COLQ: variants seen among roughly 807,000 people sequenced by gnomAD.
COLQ encodes acetylcholinesterase collagenic tail peptide.
COLQ carries 48 observed loss-of-function variants against 69.0 expected under a neutral mutation model. The observed-to-expected ratio is 0.70, with a 90% CI of 0.55 to 0.88. The LOEUF is 0.88. Ranked by LOEUF, COLQ falls within the 40% of genes least tolerant of loss-of-function variation. The pLI is 0.00. For synonymous variants in COLQ, 217 were observed against 211.2 expected (o/e 1.03, Z -0.24); for missense variants, 618 against 594.6 (o/e 1.04, Z -0.41).
chr3:15,464,473 C>G (rs746904036), intron 12 of COLQ, among the ~76,000 whole-genome samples: 1 of 152,176 alleles, frequency 6.6e-6, no homozygotes, highest in Non-Finnish European at 1.5e-5. Flanking sequence ...TTTGCCCAAC[C>G]TATTTGTGGT....
intron 1 of COLQ, among the ~76,000 whole-genome samples, chr3:15,489,901 G>C (rs558079291): frequency 2.0e-5 from 3 of 152,320 alleles, no homozygotes; most frequent in Admixed American, 6.5e-5. Flanking sequence ...TCCTTCCTCA[G>C]ATACTGACTT....
Position 15,468,321 on chromosome 3 carries a change from G to GTTT in COLQ, c.718-1887_718-1885dup, listed in dbSNP as rs540716062. On this transcript the variant is annotated intron_variant, in intron 11 of 16. Transcript: ENST00000383788. ...AGGAAATTGTTTCTCAGTTACTGAA[G>GTTT]TTTTTTTTTTTTTTTTTTTTTTTTT... 7.8e-3 allele frequency among the ~76,000 whole-genome samples: 559 copies of GTTT among 71,322 alleles called. 67 individuals carry two copies. The highest frequency in any genetic ancestry group is 0.012 in the South Asian group (16 of 1,332). 46.8% of individuals were successfully genotyped at this position (71,322 alleles called of 152,430 possible). A position where few individuals can be genotyped will look rare whatever the true frequency, so the allele number is the denominator to read the frequency against.
intron 16 of COLQ, 60 bp downstream of exon 16, chr3:15,453,768 GA>G: frequency 9.0e-7 from 1 of 1,116,966 alleles, no homozygotes; most frequent in Non-Finnish European, 1.3e-6. Context: ...AGGAAAGAAG[GA>G]AAGCAAAGAG....
At chr3:15,468,187 C>T (rs982983213) in intron 11 of COLQ, among the ~76,000 whole-genome samples, 2 of 152,158 alleles carry the variant, frequency 1.3e-5, no homozygotes, top group African/African-American at 4.8e-5. Flanking sequence ...GCTTATCGGC[C>T]ATCGCTCAGA....
At chr3:15,504,596 T>C (rs6801965) in intron 1 of COLQ, among the ~76,000 whole-genome samples, 62,591 of 152,150 alleles carry the variant, frequency 0.41, 13,897 homozygotes, top group East Asian at 0.62. Flanking sequence ...TGGTGGCTCA[T>C]GCCTATAATC....
rs2062332625 is a variant in COLQ at position 15,473,930 on chromosome 3, T to A, written c.636+70A>T. 10 of 1,531,080 alleles carry A rather than the reference T, an allele frequency of 6.5e-6. No individual in the cohort carries two copies. Among genetic ancestry groups the A allele is most frequent in the Non-Finnish European group, 9.0e-6 (10 of 1,106,686 alleles). 94.8% of individuals were successfully genotyped at this position (1,531,080 alleles called of 1,614,324 possible). ...TGCCTGATAGACAAGGAGGCAGAGT[T>A]CTTTTTGTTGTGCTTGGAGGACCTG... is the stretch of plus-strand genomic sequence containing the variant. On this transcript the variant is annotated intron_variant, in intron 10 of 16. Transcript: ENST00000383788. This position sits in a 1 kb window ranked among gnomAD's most constrained non-coding sequence, Gnocchi z 4.0.
At chr3:15,511,573 G>A (rs1029005956) in intron 1 of COLQ, among the ~76,000 whole-genome samples, 3 of 152,198 alleles carry the variant, frequency 2.0e-5, no homozygotes, top group South Asian at 2.1e-4. Context: ...CTCCTGCAGG[G>A]CCCTGCTGCT....
chr3:15,458,130 A>G, intron 13 of COLQ, 56 bp downstream of exon 13: 1 of 1,597,254 alleles, frequency 6.3e-7, no homozygotes, highest in African/African-American at 1.3e-5. Flanking sequence ...CCCCATAAGG[A>G]TCAGGTGAGA....
Position 15,479,383 on chromosome 3 carries a change from C to G in COLQ, c.322-1G>C, listed in dbSNP as rs1201584921. ...TCTTGCCAGGAAGCCCCGGTGGACC[C>G]TAATCAATCAAGATAAAAAGTGAAG... On this transcript the variant is annotated splice_acceptor_variant, in intron 3 of 16. Coordinates refer to ENST00000383788, the MANE Select transcript of COLQ (RefSeq NM_005677.4). LOFTEE classifies it high-confidence loss of function. The G allele has an allele frequency of 1.2e-6, 2 of 1,614,000 alleles. No individual in the cohort carries two copies. Among genetic ancestry groups the G allele is most frequent in the Non-Finnish European group, 1.7e-6 (2 of 1,179,892 alleles).
In COLQ at chr3:15,451,585, G is replaced by A. The variant is rs747654042; in HGVS notation, c.*59C>T. Reference sequence around the variant, plus strand: ...GGGGCCAGGACATGGCCAGTTTGATGACAGTGGAGAAGCTGCTGCCAGTTC... The same window carrying A: ...GGGGCCAGGACATGGCCAGTTTGATAACAGTGGAGAAGCTGCTGCCAGTTC... On this transcript the variant is annotated 3_prime_UTR_variant, in exon 17 of 17. Transcript: ENST00000383788. 8.6e-6 allele frequency: 13 copies of A among 1,510,220 alleles called. No individual in the cohort carries two copies. The South Asian group carries it at 1.5e-4, about 17-fold the overall frequency. The allele number at this position is 1,510,220 out of a possible 1,614,324, so 93.6% of individuals were successfully genotyped here. A position where few individuals can be genotyped will look rare whatever the true frequency, so the allele number is the denominator to read the frequency against.
At chr3:15,508,427 G>A (rs1311675669) in intron 1 of COLQ, among the ~76,000 whole-genome samples, 1 of 152,158 alleles carries the variant, frequency 6.6e-6, no homozygotes, top group Non-Finnish European at 1.5e-5. Flanking sequence ...ACATAGATGG[G>A]TTGTCTCCCT....
chr3:15,494,530 T>C lies in COLQ; in HGVS notation c.107-4893A>G, dbSNP rs546471467. On this transcript the variant is annotated intron_variant, in intron 1 of 16. Transcript: ENST00000383788. Reference sequence around the variant, plus strand: ...TTTGCCAGGCACTGGGCCAGGCCTGTGGGAAGCAGAAAGTACCTAAATGGC... The same window carrying C: ...TTTGCCAGGCACTGGGCCAGGCCTGCGGGAAGCAGAAAGTACCTAAATGGC... 2.0e-5 allele frequency among the ~76,000 whole-genome samples: 3 copies of C among 152,238 alleles called. No homozygotes were observed. The South Asian group carries it at 6.2e-4, about 32-fold the overall frequency.
At chr3:15,472,519 T>C (rs1353338697) in intron 10 of COLQ, among the ~76,000 whole-genome samples, 2 of 152,170 alleles carry the variant, frequency 1.3e-5, no homozygotes, top group African/African-American at 4.8e-5. Flanking sequence ...TAACAAAGCA[T>C]CCCCTTTGCA....
At chr3:15,488,614 C>T (rs1221963536) in intron 2 of COLQ, among the ~76,000 whole-genome samples, 4 of 152,088 alleles carry the variant, frequency 2.6e-5, no homozygotes, top group South Asian at 4.1e-4. Context: ...ACATAACTAA[C>T]GTGAGGCACC....
chr3:15,492,131 T>A (rs1290733175), intron 1 of COLQ, among the ~76,000 whole-genome samples: 3 of 152,058 alleles, frequency 2.0e-5, no homozygotes, highest in Admixed American at 2.0e-4. Context: ...CATAACCATA[T>A]TAGAATACAT....
intron 12 of COLQ, among the ~76,000 whole-genome samples, chr3:15,459,626 G>A (rs952906883): frequency 1.3e-5 from 2 of 151,484 alleles, no homozygotes; most frequent in African/African-American, 4.9e-5. Flanking sequence ...CTACAGGCAC[G>A]TGCCATCAGG....
intron 8 of COLQ, 38 bp from the exon 9 acceptor site, chr3:15,474,310 A>G (rs2062341476): frequency 6.2e-7 from 1 of 1,603,884 alleles, no homozygotes. Flanking sequence ...ATGAGTTAAT[A>G]TCCTGGGAGG....
In COLQ at chr3:15,477,179, C is replaced by CT. The variant is rs1399708651; in HGVS notation, c.411dup (p.Gly138ArgfsTer15). On this transcript the variant is annotated frameshift_variant, in exon 6 of 17. Coordinates refer to ENST00000383788, the MANE Select transcript of COLQ (RefSeq NM_005677.4). LOFTEE classifies it high-confidence loss of function. Reference sequence around the variant, plus strand: ...ATGGGCCCAGGCATGCCAGGAACACCTGGGGGGCCAGGTCTACCCTTCAAA... The same window carrying CT: ...ATGGGCCCAGGCATGCCAGGAACACCTTGGGGGGCCAGGTCTACCCTTCAAA... 6.2e-7 allele frequency: 1 copy of CT among 1,606,588 alleles called. No individual in the cohort carries two copies.
In COLQ at chr3:15,456,705, T is replaced by C; in HGVS notation, c.955-126A>G. 5 of 1,224,346 alleles carry C rather than the reference T, an allele frequency of 4.1e-6. No homozygotes were observed. In the Admixed American group the frequency reaches 7.8e-5, roughly 19 times the overall value. 75.8% of individuals were successfully genotyped at this position (1,224,346 alleles called of 1,614,324 possible). A position where few individuals can be genotyped will look rare whatever the true frequency, so the allele number is the denominator to read the frequency against. On this transcript the variant is annotated intron_variant, in intron 13 of 16. Coordinates refer to ENST00000383788, the MANE Select transcript of COLQ (RefSeq NM_005677.4). ...ACAGTGGGAAGAGGGGTTTGCACAC[T>C]ACACTCTAGCATTCCTTCTGAAGTG...
Sources: allele counts gnomAD v4.1 joint callset (sites outside exome capture counted in the v4.1 genomes callset), GRCh38; gene constraint gnomAD v4.1.1; non-coding constraint Gnocchi (gnomAD v3.1); transcripts MANE v1.5; gene names NCBI Gene and HGNC (gene_info 2026-07-23, HGNC 2026-07-21).